The following GALNT13 variants were observed in gnomAD, a reference collection of about 807,000 sequenced individuals.
GALNT13 encodes the protein polypeptide N-acetylgalactosaminyltransferase 13, also known as UDP-GalNAc:polypeptide N-acetylgalactosaminyltransferase 13.
A neutral mutation model predicts 64.2 loss-of-function variants in GALNT13; 28 were observed. The observed-to-expected ratio is 0.44, with a 90% CI of 0.32 to 0.60. GALNT13 has a LOEUF of 0.60. Ranked by LOEUF, GALNT13 falls within the 20% of genes least tolerant of loss-of-function variation. The pLI, the probability that GALNT13 is intolerant of heterozygous loss-of-function variation, is 0.05. For missense variants in GALNT13, 577 were observed against 669.8 expected (o/e 0.86, Z 1.53); for synonymous variants, 214 against 224.6 (o/e 0.95, Z 0.42).
chr2:154,020,430 T>C (rs1296703975), intron 3 of GALNT13, among the ~76,000 whole-genome samples: 4 of 152,234 alleles, frequency 2.6e-5, no homozygotes, highest in African/African-American at 9.6e-5. Context: ...TGGTTTTGAT[T>C]TGCATTTTTC....
chr2:153,283,742 A>T, the GALNT13 span, among the ~76,000 whole-genome samples: 3 of 152,062 alleles, frequency 2.0e-5, no homozygotes, highest in Non-Finnish European at 4.4e-5. Flanking sequence ...TCTGCATAGG[A>T]AGGGTAAGGC....
the GALNT13 span, among the ~76,000 whole-genome samples, chr2:153,457,673 T>C: frequency 1.3e-5 from 2 of 152,234 alleles, no homozygotes; most frequent in South Asian, 2.1e-4. Context: ...AATAGAATCA[T>C]GGGGATTTCA....
chr2:154,414,606 T>G (rs549290728), intron 11 of GALNT13, among the ~76,000 whole-genome samples: 15 of 152,058 alleles, frequency 9.9e-5, no homozygotes, highest in Non-Finnish European at 1.6e-4. Context: ...TTAATGATTT[T>G]AAAAACTGGC....
At chr2:154,028,752 A>G (rs888440001) in intron 3 of GALNT13, among the ~76,000 whole-genome samples, 20 of 152,234 alleles carry the variant, frequency 1.3e-4, no homozygotes, top group African/African-American at 4.6e-4. Flanking sequence ...GACATATATG[A>G]TACAACATAT....
At chr2:153,999,859 TA>T (rs1695781978) in intron 3 of GALNT13, among the ~76,000 whole-genome samples, 1 of 152,066 alleles carries the variant, frequency 6.6e-6, no homozygotes, top group South Asian at 2.1e-4. Flanking sequence ...TCCCTCCTTT[TA>T]AAGTTTTTGC....
At chr2:153,600,219 T>C in the GALNT13 span, among the ~76,000 whole-genome samples, 3 of 152,034 alleles carry the variant, frequency 2.0e-5, no homozygotes, top group Non-Finnish European at 2.9e-5. Flanking sequence ...TTTATTTTTG[T>C]CTATCTTGGA....
the GALNT13 span, among the ~76,000 whole-genome samples, chr2:153,438,292 T>C: frequency 2.7e-4 from 41 of 152,278 alleles, no homozygotes; most frequent in Admixed American, 1.2e-3. Flanking sequence ...GTGAATCTGA[T>C]AATTATGTGT....
At chr2:154,020,111 T>C (rs1697338973) in intron 3 of GALNT13, among the ~76,000 whole-genome samples, 1 of 152,244 alleles carries the variant, frequency 6.6e-6, no homozygotes, top group Admixed American at 6.5e-5. Flanking sequence ...GTTGCACATT[T>C]AGGTTGGTTC....
At chr2:153,466,509 C>T in the GALNT13 span, among the ~76,000 whole-genome samples, 1 of 151,694 alleles carries the variant, frequency 6.6e-6, no homozygotes, top group Non-Finnish European at 1.5e-5. Flanking sequence ...GTATTAGGCC[C>T]AGAACCCATT....
intron 9 of GALNT13, among the ~76,000 whole-genome samples, chr2:154,351,151 C>G (rs549657446): frequency 5.3e-5 from 8 of 152,110 alleles, no homozygotes; most frequent in African/African-American, 1.2e-4. Context: ...GAAGGACTTG[C>G]AACAACAAAG....
chr2:154,371,240 C>G (rs892685644), intron 9 of GALNT13, among the ~76,000 whole-genome samples: 1 of 152,034 alleles, frequency 6.6e-6, no homozygotes, highest in Non-Finnish European at 1.5e-5. Flanking sequence ...CCCAGATCCA[C>G]CCATGGAACT....
At chr2:153,451,585 G>A in the GALNT13 span, among the ~76,000 whole-genome samples, 1 of 152,214 alleles carries the variant, frequency 6.6e-6, no homozygotes, top group East Asian at 1.9e-4. Context: ...GAAAGTGAGA[G>A]TTAAATATCA....
At chr2:153,834,708 A>G in the GALNT13 span, among the ~76,000 whole-genome samples, 217 of 152,238 alleles carry the variant, frequency 1.4e-3, 2 homozygotes, top group Non-Finnish European at 1.8e-3. Context: ...TACAACTTCT[A>G]TAGTACACAT....
At chr2:153,271,863 A>G in the GALNT13 span, among the ~76,000 whole-genome samples, 9 of 152,240 alleles carry the variant, frequency 5.9e-5, no homozygotes, top group Non-Finnish European at 1.3e-4. Flanking sequence ...CTGTCTTCAA[A>G]CTATACTACA....
At chr2:153,157,866 A>G in the GALNT13 span, among the ~76,000 whole-genome samples, 1 of 152,216 alleles carries the variant, frequency 6.6e-6, no homozygotes, top group African/African-American at 2.4e-5. Context: ...TGTGGTAAAT[A>G]TATCTTTTCC....
the GALNT13 span, among the ~76,000 whole-genome samples, chr2:153,192,045 T>G: frequency 6.6e-6 from 1 of 152,032 alleles, no homozygotes; most frequent in African/African-American, 2.4e-5. Flanking sequence ...CTCTATTTAA[T>G]TGAGTTCTGC....
intron 8 of GALNT13, among the ~76,000 whole-genome samples, chr2:154,259,501 A>C (rs543344010): frequency 8.5e-5 from 13 of 152,162 alleles, no homozygotes; most frequent in African/African-American, 2.7e-4. Flanking sequence ...CTGAATTTGC[A>C]ACTACTGCCT....
At chr2:153,997,723 C>CA (rs1193310459) in intron 3 of GALNT13, among the ~76,000 whole-genome samples, 23 of 151,984 alleles carry the variant, frequency 1.5e-4, no homozygotes, top group Admixed American at 1.5e-3. Flanking sequence ...ATACATGTAC[C>CA]ATGGTGGGTT....
the GALNT13 span, among the ~76,000 whole-genome samples, chr2:153,431,643 C>T: frequency 6.6e-6 from 1 of 152,172 alleles, no homozygotes; most frequent in Non-Finnish European, 1.5e-5. Flanking sequence ...CACAGGAGAG[C>T]TCTACTGGAC....
Sources: allele counts gnomAD v4.1 joint callset (sites outside exome capture counted in the v4.1 genomes callset), GRCh38; gene constraint gnomAD v4.1.1; transcripts MANE v1.5; gene names NCBI Gene and HGNC (gene_info 2026-07-23, HGNC 2026-07-21).